Variants in TRAPPC9 observed in about 807,000 individuals in gnomAD.
TRAPPC9 encodes the protein trafficking protein particle complex subunit 9.
A neutral mutation model predicts 124.0 loss-of-function variants in TRAPPC9; 83 were observed. The ratio of observed to expected loss-of-function variants is 0.67; its 90% CI spans 0.56 to 0.80. TRAPPC9 has a LOEUF of 0.80. TRAPPC9 is among the 30% of genes least tolerant of loss of function. The pLI is 0.00. For missense variants in TRAPPC9, 1,302 were observed against 1,508.3 expected (o/e 0.86, Z 2.27); for synonymous variants, 638 against 617.5 (o/e 1.03, Z -0.49).
chr8:140,446,965 C>A (rs944723130), intron 2 of TRAPPC9, among the ~76,000 whole-genome samples: 5 of 152,172 alleles, frequency 3.3e-5, no homozygotes, highest in Non-Finnish European at 1.5e-5. Flanking sequence ...CCCCTGGCCA[C>A]CAGCACACTC....
At chr8:140,183,451 C>A (rs573651814) in intron 17 of TRAPPC9, among the ~76,000 whole-genome samples, 5 of 152,306 alleles carry the variant, frequency 3.3e-5, no homozygotes, top group Admixed American at 3.3e-4. Flanking sequence ...TGCAGAATTC[C>A]ACCTCGATTA....
intron 9 of TRAPPC9, among the ~76,000 whole-genome samples, chr8:140,345,169 C>G (rs2067306263): frequency 6.6e-6 from 1 of 152,220 alleles, no homozygotes; most frequent in African/African-American, 2.4e-5. Context: ...TGAGATCCCC[C>G]AGCAGAACAT....
chr8:140,450,129 G>A (rs2071402647), intron 2 of TRAPPC9, among the ~76,000 whole-genome samples: 1 of 152,184 alleles, frequency 6.6e-6, no homozygotes. Flanking sequence ...GGGAGGCCAA[G>A]GCAGGCAGAT....
chr8:140,397,498 G>A, intron 7 of TRAPPC9, 122 bp downstream of exon 7: 1 of 1,112,236 alleles, frequency 9.0e-7, no homozygotes, highest in Non-Finnish European at 1.4e-6. Context: ...ATCAAGTTAA[G>A]ATTCAACAGT....
chr8:140,399,569 G>A (rs2069198341), intron 6 of TRAPPC9, among the ~76,000 whole-genome samples: 1 of 152,314 alleles, frequency 6.6e-6, no homozygotes, highest in African/African-American at 2.4e-5. Context: ...CATGGGCCCT[G>A]TAACCCCTTT....
chr8:139,739,163 C>T (rs56410410), intron 21 of TRAPPC9, among the ~76,000 whole-genome samples: 4,864 of 152,240 alleles, frequency 0.032, 273 homozygotes, highest in African/African-American at 0.11. Flanking sequence ...GCCCCTCTTC[C>T]CCATGCCTTC....
chr8:140,077,806 A>G (rs1474558923), intron 17 of TRAPPC9, among the ~76,000 whole-genome samples: 1 of 152,088 alleles, frequency 6.6e-6, no homozygotes, highest in Non-Finnish European at 1.5e-5. Flanking sequence ...TAGAAAACGG[A>G]AAGGCAGGAA....
intron 17 of TRAPPC9, among the ~76,000 whole-genome samples, chr8:140,056,930 A>T (rs895890893): frequency 6.6e-6 from 1 of 152,234 alleles, no homozygotes; most frequent in African/African-American, 2.4e-5. Flanking sequence ...AGGGATTAAT[A>T]TCCAAAACGT....
At chr8:140,272,102 A>C in intron 15 of TRAPPC9, among the ~76,000 whole-genome samples, 1 of 123,788 alleles carries the variant, frequency 8.1e-6, no homozygotes, top group African/African-American at 3.7e-5. Context: ...TGATGAGGTG[A>C]TTGTGGTGGT....
At chr8:139,963,436 C>T (rs1835475698) in intron 19 of TRAPPC9, among the ~76,000 whole-genome samples, 2 of 152,130 alleles carry the variant, frequency 1.3e-5, no homozygotes, top group Admixed American at 6.5e-5. Flanking sequence ...TACTGTTTTG[C>T]TCACTCATTT....
chr8:140,318,945 G>C (rs1200513376), intron 9 of TRAPPC9, among the ~76,000 whole-genome samples: 2 of 152,128 alleles, frequency 1.3e-5, no homozygotes, highest in Non-Finnish European at 2.9e-5. Flanking sequence ...AGGAATAAAA[G>C]GACACAAGGC....
At chr8:139,828,541 G>A (rs1185236468) in intron 21 of TRAPPC9, among the ~76,000 whole-genome samples, 4 of 152,216 alleles carry the variant, frequency 2.6e-5, no homozygotes, top group Non-Finnish European at 5.9e-5. Context: ...ACCAAATCGG[G>A]AAATGCTCCT....
chr8:139,819,008 G>A (rs1011783317), intron 21 of TRAPPC9, among the ~76,000 whole-genome samples: 4 of 152,202 alleles, frequency 2.6e-5, no homozygotes, highest in Admixed American at 6.5e-5. Context: ...TCTATGTCCC[G>A]TTAGGAACCA....
chr8:140,271,174 A>G (rs1481487513), intron 15 of TRAPPC9, among the ~76,000 whole-genome samples: 1 of 152,240 alleles, frequency 6.6e-6, no homozygotes, highest in African/African-American at 2.4e-5. Context: ...CAATTAATTA[A>G]GTTCAGAGTA....
chr8:139,803,854 A>T (rs75306767), intron 21 of TRAPPC9, among the ~76,000 whole-genome samples: 3 of 152,084 alleles, frequency 2.0e-5, no homozygotes, highest in African/African-American at 7.2e-5. Flanking sequence ...TGGGATTTTT[A>T]TTTCAGTCAC....
intron 21 of TRAPPC9, among the ~76,000 whole-genome samples, chr8:139,775,471 C>T (rs1388879267): frequency 6.6e-6 from 1 of 152,228 alleles, no homozygotes; most frequent in Non-Finnish European, 1.5e-5. Context: ...GGGCCCAGAG[C>T]GTGTTGTTCT....
At chr8:140,288,408 C>G (rs1213098812) in intron 12 of TRAPPC9, among the ~76,000 whole-genome samples, 2 of 152,194 alleles carry the variant, frequency 1.3e-5, no homozygotes, top group East Asian at 1.9e-4. Context: ...GAGTTATCAA[C>G]TTATTTCGGT....
intron 19 of TRAPPC9, among the ~76,000 whole-genome samples, chr8:139,972,999 C>T (rs1166436334): frequency 6.6e-6 from 1 of 152,188 alleles, no homozygotes; most frequent in African/African-American, 2.4e-5. Flanking sequence ...GTTCTCATTC[C>T]TGCCCCCAGC....
intron 17 of TRAPPC9, among the ~76,000 whole-genome samples, chr8:140,198,714 G>T (rs1042605270): frequency 2.0e-5 from 3 of 152,148 alleles, no homozygotes; most frequent in African/African-American, 4.8e-5. Context: ...GCTCTGTCTA[G>T]GCAGCAGGCA....
Sources: allele counts gnomAD v4.1 joint callset (sites outside exome capture counted in the v4.1 genomes callset), GRCh38; gene constraint gnomAD v4.1.1; transcripts MANE v1.5; gene names NCBI Gene and HGNC (gene_info 2026-07-23, HGNC 2026-07-21).